The following ARK2C variants were observed in gnomAD, a reference collection of about 807,000 sequenced individuals.
The protein encoded by ARK2C is E3 ubiquitin-protein ligase ARK2C.
At chr18:46,453,175 C>T in the ARK2C span, among the ~76,000 whole-genome samples, 5 of 152,164 alleles carry the variant, frequency 3.3e-5, no homozygotes, top group Admixed American at 2.6e-4. Flanking sequence ...TTATTGAGTA[C>T]CTACTATGTA....
the ARK2C span, among the ~76,000 whole-genome samples, chr18:46,434,140 T>C: frequency 6.6e-6 from 1 of 152,170 alleles, no homozygotes; most frequent in Non-Finnish European, 1.5e-5. Flanking sequence ...GGTAAGTCAC[T>C]GTGCCTCTCT....
the ARK2C span, among the ~76,000 whole-genome samples, chr18:46,366,486 A>G: frequency 2.6e-5 from 4 of 152,118 alleles, no homozygotes; most frequent in African/African-American, 9.7e-5. Flanking sequence ...TACTCATTTT[A>G]TGATGAGGCC....
chr18:46,393,160 G>A, the ARK2C span, among the ~76,000 whole-genome samples: 1 of 152,088 alleles, frequency 6.6e-6, no homozygotes, highest in African/African-American at 2.4e-5. Flanking sequence ...TGACATCGTG[G>A]GTCTGTTTTT....
At chr18:46,365,326 G>A in the ARK2C span, among the ~76,000 whole-genome samples, 7 of 152,172 alleles carry the variant, frequency 4.6e-5, no homozygotes, top group Non-Finnish European at 1.0e-4. Flanking sequence ...GCAGGGTCGA[G>A]TCCAGGAGGT....
the ARK2C span, chr18:46,447,721 G>C: frequency 6.2e-7 from 1 of 1,613,950 alleles, no homozygotes; most frequent in Admixed American, 1.7e-5. Flanking sequence ...ACTCCCTTGC[G>C]CCTATTGAGT....
the ARK2C span, among the ~76,000 whole-genome samples, chr18:46,365,855 G>C: frequency 6.6e-6 from 1 of 152,208 alleles, no homozygotes; most frequent in Admixed American, 6.5e-5. Context: ...GGGGGTGAGG[G>C]TGTGGGCAAG....
At chr18:46,384,215 A>G in the ARK2C span, among the ~76,000 whole-genome samples, 7 of 152,032 alleles carry the variant, frequency 4.6e-5, no homozygotes, top group Admixed American at 3.9e-4. Context: ...CCCTCCCTCC[A>G]TCTAGAATTC....
At chr18:46,456,222 C>T in the ARK2C span, 15 of 658,192 alleles carry the variant, frequency 2.3e-5, no homozygotes, top group Admixed American at 3.7e-4. Flanking sequence ...TTCATGGTTG[C>T]CCTGGGAAGG....
the ARK2C span, among the ~76,000 whole-genome samples, chr18:46,413,282 C>G: frequency 2.0e-5 from 3 of 152,074 alleles, no homozygotes; most frequent in Non-Finnish European, 4.4e-5. Flanking sequence ...CAGCCCTATC[C>G]AGAAGTGGAC....
chr18:46,344,627 G>A, the ARK2C span, among the ~76,000 whole-genome samples: 4 of 152,330 alleles, frequency 2.6e-5, no homozygotes, highest in African/African-American at 9.6e-5. Context: ...GGCATCCACA[G>A]TGGGCTCATT....
the ARK2C span, among the ~76,000 whole-genome samples, chr18:46,371,023 C>G: frequency 7.9e-5 from 12 of 152,162 alleles, no homozygotes; most frequent in Non-Finnish European, 1.5e-4. Flanking sequence ...TTCCACATGG[C>G]TAGGGAGGCC....
chr18:46,434,213 G>T, the ARK2C span, among the ~76,000 whole-genome samples: 1 of 152,138 alleles, frequency 6.6e-6, no homozygotes, highest in Non-Finnish European at 1.5e-5. Context: ...TTGGTCTCAG[G>T]ACTCTTTTCC....
chr18:46,439,421 C>T, the ARK2C span, among the ~76,000 whole-genome samples: 1 of 152,304 alleles, frequency 6.6e-6, no homozygotes, highest in South Asian at 2.1e-4. Context: ...TGCCATCTCG[C>T]TCCTGTAGGA....
At chr18:46,374,582 T>C in the ARK2C span, among the ~76,000 whole-genome samples, 1 of 152,214 alleles carries the variant, frequency 6.6e-6, no homozygotes, top group Non-Finnish European at 1.5e-5. Context: ...TGCTGCACCC[T>C]GTGTCAGGAT....
At chr18:46,415,145 A>C in the ARK2C span, among the ~76,000 whole-genome samples, 1 of 152,110 alleles carries the variant, frequency 6.6e-6, no homozygotes, top group Admixed American at 6.5e-5. Context: ...CCAGGCCTAC[A>C]TGACCTCTGC....
chr18:46,337,258 G>C, the ARK2C span: 1 of 985,338 alleles, frequency 1.0e-6, no homozygotes, highest in African/African-American at 1.7e-5. Flanking sequence ...CCAGCAAAAT[G>C]GTTTTCCATT....
At chr18:46,370,960 C>T in the ARK2C span, among the ~76,000 whole-genome samples, 10 of 152,252 alleles carry the variant, frequency 6.6e-5, no homozygotes, top group South Asian at 8.3e-4. Context: ...CTAATAAAGA[C>T]GTACGCGACA....
At chr18:46,405,452 G>T in the ARK2C span, among the ~76,000 whole-genome samples, 1 of 152,204 alleles carries the variant, frequency 6.6e-6, no homozygotes, top group Non-Finnish European at 1.5e-5. Flanking sequence ...CCCAGGCAGG[G>T]ACAGGAGGGC....
At chr18:46,451,774 T>A in the ARK2C span, among the ~76,000 whole-genome samples, 10 of 152,210 alleles carry the variant, frequency 6.6e-5, no homozygotes, top group African/African-American at 2.4e-4. Context: ...CACTGCATTC[T>A]AGCCTGGACA....
Sources: allele counts gnomAD v4.1 joint callset (sites outside exome capture counted in the v4.1 genomes callset), GRCh38; gene constraint gnomAD v4.1.1; transcripts MANE v1.5; gene names NCBI Gene and HGNC (gene_info 2026-07-23, HGNC 2026-07-21).